VEGFC: variants seen among roughly 807,000 people sequenced by gnomAD.
VEGFC encodes FLT4 ligand DHM.
A neutral mutation model predicts 46.1 loss-of-function variants in VEGFC; 12 were observed. The observed-to-expected ratio is 0.26, with a 90% CI of 0.17 to 0.42. The LOEUF is 0.42. Ranked by LOEUF, VEGFC falls within the 10% of genes least tolerant of loss-of-function variation. The pLI, the probability that VEGFC is intolerant of heterozygous loss-of-function variation, is 1.00. For missense variants in VEGFC, 488 were observed against 529.4 expected (o/e 0.92, Z 0.77); for synonymous variants, 232 against 195.5 (o/e 1.19, Z -1.56).
rs1384594779 is a variant in VEGFC, at chr4:176,733,651, G to A, written c.148-3905C>T. On this transcript the variant is annotated intron_variant, in intron 1 of 6. Coordinates refer to ENST00000618562, the MANE Select transcript of VEGFC (RefSeq NM_005429.5). The stretch of plus-strand genomic sequence containing the variant: ...CACCAGGGAATATGTTTGGGAAGGG[G>A]AGAAGTGATGTATCTTGACTGTGGG... Among the ~76,000 whole-genome samples, 5 of 151,812 alleles carry A rather than the reference G, an allele frequency of 3.3e-5. No individual in the cohort carries two copies. In the South Asian group the frequency reaches 8.3e-4, roughly 25 times the overall value.
chr4:176,753,566 G>A (rs972502119), intron 1 of VEGFC, among the ~76,000 whole-genome samples: 2 of 152,092 alleles, frequency 1.3e-5, no homozygotes, highest in African/African-American at 4.8e-5. Context: ...GAAATTGAGA[G>A]TTAGAACAGT....
chr4:176,745,398 C>T (rs2110886130), intron 1 of VEGFC, among the ~76,000 whole-genome samples: 1 of 151,722 alleles, frequency 6.6e-6, no homozygotes, highest in Admixed American at 6.6e-5. Context: ...ACTCATTCAA[C>T]AGCGCACACT....
At chr4:176,787,497 G>GT (rs1391772789) in intron 1 of VEGFC, among the ~76,000 whole-genome samples, 1 of 147,894 alleles carries the variant, frequency 6.8e-6, no homozygotes, top group African/African-American at 2.5e-5. Flanking sequence ...AAGAAAATGA[G>GT]TTTTTGGATT....
intron 3 of VEGFC, among the ~76,000 whole-genome samples, chr4:176,720,649 G>A (rs1339820328): frequency 3.3e-5 from 5 of 151,874 alleles, no homozygotes; most frequent in Admixed American, 6.6e-5. Flanking sequence ...AGACCAGCCT[G>A]GCTAACATGG....
intron 1 of VEGFC, among the ~76,000 whole-genome samples, chr4:176,777,397 C>T (rs1735832378): frequency 6.6e-6 from 1 of 152,162 alleles, no homozygotes; most frequent in African/African-American, 2.4e-5. Context: ...AGTCTAAGTT[C>T]TTGTCTATAT....
intron 1 of VEGFC, among the ~76,000 whole-genome samples, chr4:176,743,593 T>C (rs1429653449): frequency 1.3e-5 from 2 of 149,880 alleles, no homozygotes; most frequent in Non-Finnish European, 3.0e-5. Flanking sequence ...TATAAATATA[T>C]AAATTATGAA....
intron 4 of VEGFC, among the ~76,000 whole-genome samples, chr4:176,696,132 A>G (rs891967793): frequency 2.1e-5 from 3 of 146,274 alleles, no homozygotes; most frequent in Non-Finnish European, 4.5e-5. Context: ...AGTTCTGGCC[A>G]GGGCAATTAG....
chr4:176,703,467 T>C (rs1198558039), intron 4 of VEGFC, among the ~76,000 whole-genome samples: 2 of 152,020 alleles, frequency 1.3e-5, no homozygotes, highest in African/African-American at 4.8e-5. Context: ...TACTAGAGTC[T>C]GGGAAGTGTG....
At chr4:176,751,801 G>A (rs1419169799) in intron 1 of VEGFC, among the ~76,000 whole-genome samples, 1 of 151,904 alleles carries the variant, frequency 6.6e-6, no homozygotes, top group African/African-American at 2.4e-5. Context: ...GAAGGGGAAT[G>A]AGATTTCTGA....
intron 4 of VEGFC, 79 bp downstream of exon 4, chr4:176,711,416 GTTAT>G: frequency 1.4e-6 from 2 of 1,438,264 alleles, no homozygotes; most frequent in South Asian, 1.5e-5. Context: ...TTTCACAGAG[GTTAT>G]TTGTTTAACT....
At chr4:176,780,772 T>G (rs1380461906) in intron 1 of VEGFC, among the ~76,000 whole-genome samples, 1 of 152,174 alleles carries the variant, frequency 6.6e-6, no homozygotes, top group Non-Finnish European at 1.5e-5. Flanking sequence ...GTGTGTCGTG[T>G]TAACATGACT....
chr4:176,750,681 A>G (rs1735327712), intron 1 of VEGFC, among the ~76,000 whole-genome samples: 1 of 151,890 alleles, frequency 6.6e-6, no homozygotes. Flanking sequence ...AGGTATACAT[A>G]TAAAATCCTG....
Position 176,792,332 on chromosome 4 carries a change from G to GGGACCGGTCCGCTGGC in VEGFC, c.-37_-22dup. 6.8e-7 allele frequency: 1 copy of GGGACCGGTCCGCTGGC among 1,469,018 alleles called. No homozygotes were observed. The highest frequency in any genetic ancestry group is 9.0e-7 in the Non-Finnish European group (1 of 1,113,246). The allele number at this position is 1,469,018 out of a possible 1,614,324, so 91.0% of individuals were successfully genotyped here. ...TGCATGGTGGAAGGACCGGGGGTGGGGGACCGGTCCGCTGGCGGGGGCAGG... is the reference window on the plus strand; with the variant it reads ...TGCATGGTGGAAGGACCGGGGGTGGGGGACCGGTCCGCTGGCGGACCGGTCCGCTGGCGGGGGCAGG... On this transcript the variant is annotated 5_prime_UTR_variant, in exon 1 of 7. Coordinates refer to ENST00000618562, the MANE Select transcript of VEGFC (RefSeq NM_005429.5). The surrounding 1 kb of genome is among the most constrained non-coding windows in gnomAD (Gnocchi z 6.3).
chr4:176,741,309 A>G (rs1027743812), intron 1 of VEGFC, among the ~76,000 whole-genome samples: 3 of 152,010 alleles, frequency 2.0e-5, no homozygotes, highest in Non-Finnish European at 4.4e-5. Flanking sequence ...GACGGGGTTT[A>G]TGTCAATCAC....
In VEGFC at chr4:176,792,082, CT is replaced by C; in HGVS notation, c.147+82del. 1 of 1,398,084 alleles carries C rather than the reference CT, an allele frequency of 7.2e-7. No individual in the cohort carries two copies. The highest frequency in any genetic ancestry group is 2.8e-5 in the East Asian group (1 of 35,724). 86.6% of individuals were successfully genotyped at this position (1,398,084 alleles called of 1,614,324 possible). On this transcript the variant is annotated intron_variant, in intron 1 of 6. Coordinates refer to ENST00000618562, the MANE Select transcript of VEGFC (RefSeq NM_005429.5). The surrounding 1 kb of genome is among the most constrained non-coding windows in gnomAD (Gnocchi z 6.3). ...CGTACACAAGCTTAAAGCACACACA[CT>C]TTCCCCCGCGCAGGTTCTCGGGTCC...
At chr4:176,782,498 A>T (rs1335864757) in intron 1 of VEGFC, among the ~76,000 whole-genome samples, 6 of 151,912 alleles carry the variant, frequency 3.9e-5, no homozygotes, top group African/African-American at 1.2e-4. Flanking sequence ...AATAAAAAAA[A>T]GTTGAGAGAA....
intron 1 of VEGFC, among the ~76,000 whole-genome samples, chr4:176,756,928 G>A (rs1273957890): frequency 6.6e-6 from 1 of 152,048 alleles, no homozygotes; most frequent in Non-Finnish European, 1.5e-5. Flanking sequence ...CTAATAGATT[G>A]CTGGAAGGTT....
chr4:176,757,455 G>C (rs1368520077), intron 1 of VEGFC, among the ~76,000 whole-genome samples: 3 of 151,948 alleles, frequency 2.0e-5, no homozygotes, highest in African/African-American at 2.4e-5. Flanking sequence ...ACTATAATGG[G>C]TAATTTGATC....
intron 4 of VEGFC, among the ~76,000 whole-genome samples, chr4:176,697,574 T>G (rs1391681494): frequency 6.6e-6 from 1 of 150,386 alleles, no homozygotes; most frequent in Admixed American, 6.6e-5. Context: ...GAAGTCAGTG[T>G]GGCGATTCCT....
Sources: allele counts gnomAD v4.1 joint callset (sites outside exome capture counted in the v4.1 genomes callset), GRCh38; gene constraint gnomAD v4.1.1; non-coding constraint Gnocchi (gnomAD v3.1); transcripts MANE v1.5; gene names NCBI Gene and HGNC (gene_info 2026-07-23, HGNC 2026-07-21).